The following MTUS2 variants were observed in gnomAD, a reference collection of about 807,000 sequenced individuals.
MTUS2 encodes the protein microtubule-associated tumor suppressor candidate 2.
Under a neutral mutation model 114.1 loss-of-function variants are expected in MTUS2, and 40 were observed. The ratio of observed to expected loss-of-function variants is 0.35; its 90% confidence interval spans 0.27 to 0.46. The LOEUF is 0.46. Among genes scored for constraint, MTUS2 ranks in the 20% least tolerant of loss-of-function variants. The probability of loss-of-function intolerance (pLI) is 1.00; values close to 1 mark genes in which losing one functional copy is unlikely to be tolerated. For synonymous variants in MTUS2, 688 were observed against 672.0 expected, an observed-to-expected ratio of 1.02 and a Z score of -0.37; for missense variants, 1,679 against 1,705.4, an observed-to-expected ratio of 0.98 and a Z score of 0.27.
At chr13:29,238,704 T>C (rs973599940) in intron 5 of MTUS2, among the ~76,000 whole-genome samples, 1 of 152,170 alleles carries the variant, frequency 6.6e-6, no homozygotes, top group Non-Finnish European at 1.5e-5. Context: ...GTCCACTGAT[T>C]CAAATGTTAA....
chr13:29,504,209 CAG>C lies in MTUS2; in HGVS notation c.*1006_*1007del. ...CCAAGGTCTGTATTTTGACCAGGCA[CAG>C]AGGGGGAACATCACTCCAGCTTTCC... On this transcript the variant is annotated 3_prime_UTR_variant, in exon 16 of 16. Coordinates refer to ENST00000612955, the MANE Select transcript of MTUS2 (RefSeq NM_001033602.4). The C allele has an allele frequency of 4.3e-6, 1 of 232,406 alleles. No individual in the cohort carries two copies. The highest frequency in any genetic ancestry group is 8.5e-6 in the Non-Finnish European group (1 of 117,342). 14.4% of individuals were successfully genotyped at this position (232,406 alleles called of 1,614,324 possible).
At chr13:29,495,621 G>C (rs775522299) in intron 12 of MTUS2, among the ~76,000 whole-genome samples, 1 of 152,000 alleles carries the variant, frequency 6.6e-6, no homozygotes, top group Non-Finnish European at 1.5e-5. Context: ...CTGTAATCCC[G>C]ACACTCTGGG....
intron 4 of MTUS2, among the ~76,000 whole-genome samples, chr13:29,094,032 C>T (rs1310611792): frequency 2.0e-5 from 3 of 151,884 alleles, no homozygotes; most frequent in East Asian, 3.9e-4. Flanking sequence ...TATGTAAAAC[C>T]GATCTTGCAT....
intron 5 of MTUS2, among the ~76,000 whole-genome samples, chr13:29,182,489 C>T (rs999863672): frequency 6.6e-6 from 1 of 152,224 alleles, no homozygotes; most frequent in African/African-American, 2.4e-5. Flanking sequence ...TCAATCATTT[C>T]CTCCTCTGCA....
At chr13:29,056,504 A>G (rs1888140370) in intron 4 of MTUS2, among the ~76,000 whole-genome samples, 1 of 151,832 alleles carries the variant, frequency 6.6e-6, no homozygotes, top group African/African-American at 2.4e-5. Context: ...TTTATTACTG[A>G]TTTGATTTCA....
intron 2 of MTUS2, among the ~76,000 whole-genome samples, chr13:28,889,519 C>G (rs946470201): frequency 4.9e-4 from 75 of 152,306 alleles, no homozygotes; most frequent in African/African-American, 1.7e-3. Context: ...GAAGTGTGCA[C>G]TGAGCATGGG....
In MTUS2 at chr13:29,004,415, G is replaced by A. The variant is rs17072513; in HGVS notation, c.-242-20042G>A. Among the ~76,000 whole-genome samples, 1,366 of 152,278 alleles carry A rather than the reference G, an allele frequency of 9.0e-3. 10 individuals carry two copies. The highest frequency in any genetic ancestry group is 0.015 in the Admixed American group (237 of 15,300). On this transcript the variant is annotated intron_variant, in intron 2 of 15. Transcript: ENST00000612955. ...TCAAAATAACTCCCAATGCGTAGTTGTAGTCATGAAATGCTTATTTATATA... is the reference window on the plus strand; with the variant it reads ...TCAAAATAACTCCCAATGCGTAGTTATAGTCATGAAATGCTTATTTATATA...
intron 4 of MTUS2, among the ~76,000 whole-genome samples, chr13:29,049,427 G>A (rs1333063448): frequency 2.6e-5 from 4 of 152,164 alleles, no homozygotes; most frequent in African/African-American, 7.2e-5. Flanking sequence ...GGAGCTGTCA[G>A]TCATATGCCA....
intron 7 of MTUS2, among the ~76,000 whole-genome samples, chr13:29,335,859 T>C (rs932652698): frequency 4.6e-5 from 7 of 152,224 alleles, no homozygotes; most frequent in African/African-American, 1.7e-4. Context: ...TGTAGTCCCA[T>C]ATTTCTTGGC....
At chr13:28,879,970 G>A (rs1462413019) in intron 2 of MTUS2, among the ~76,000 whole-genome samples, 2 of 152,110 alleles carry the variant, frequency 1.3e-5, no homozygotes, top group Admixed American at 1.3e-4. Flanking sequence ...GTGAGGTTGA[G>A]GCAAAGAAAT....
At chr13:29,406,984 G>A (rs1037114616) in intron 8 of MTUS2, among the ~76,000 whole-genome samples, 1 of 152,184 alleles carries the variant, frequency 6.6e-6, no homozygotes, top group Non-Finnish European at 1.5e-5. Context: ...AGTGGCTCAC[G>A]CCTGTAATCC....
At chr13:28,901,274 A>G (rs185567702) in intron 2 of MTUS2, among the ~76,000 whole-genome samples, 1 of 152,142 alleles carries the variant, frequency 6.6e-6, no homozygotes, top group Non-Finnish European at 1.5e-5. Context: ...TTCATTTTCA[A>G]ATATGTGGTT....
At chr13:29,287,424 C>T (rs1427771493) in intron 6 of MTUS2, among the ~76,000 whole-genome samples, 4 of 152,278 alleles carry the variant, frequency 2.6e-5, no homozygotes, top group Non-Finnish European at 4.4e-5. Context: ...GCACACCCCA[C>T]ACTATTTGCG....
In MTUS2 at chr13:29,256,060, A is replaced by G. The variant is rs552592324; in HGVS notation, c.2645-25644A>G. ...TTTGACAGGCATCCGTACTCTGGTC[A>G]ATGTTAGTTCCTGTTTGTCCCAGGC... On this transcript the variant is annotated intron_variant, in intron 5 of 15. Transcript: ENST00000612955. Among the ~76,000 whole-genome samples the G allele has an allele frequency of 2.6e-5, 4 of 152,352 alleles. No homozygotes were observed. The South Asian group carries it at 8.3e-4, about 32-fold the overall frequency.
At chr13:29,449,120 T>C (rs4435096) in intron 9 of MTUS2, among the ~76,000 whole-genome samples, 53,820 of 152,022 alleles carry the variant, frequency 0.35, 10,786 homozygotes, top group Admixed American at 0.48. Flanking sequence ...AATCCATGTT[T>C]TGATTAAGGT....
chr13:28,978,711 A>C (rs1422281257), intron 2 of MTUS2, among the ~76,000 whole-genome samples: 5 of 152,194 alleles, frequency 3.3e-5, no homozygotes, highest in African/African-American at 9.7e-5. Flanking sequence ...ATTCCTCATG[A>C]TAACATCCTT....
intron 5 of MTUS2, among the ~76,000 whole-genome samples, chr13:29,213,923 A>G (rs1372782243): frequency 1.3e-5 from 2 of 149,966 alleles, no homozygotes; most frequent in African/African-American, 4.9e-5. Context: ...TTGGCACTGA[A>G]TAGTTTATGA....
intron 5 of MTUS2, among the ~76,000 whole-genome samples, chr13:29,250,825 C>T (rs569328720): frequency 1.6e-4 from 24 of 152,038 alleles, no homozygotes; most frequent in Admixed American, 5.2e-4. Flanking sequence ...TTTTATTACC[C>T]GTAAATTTCA....
chr13:29,323,853 C>T (rs1476391318), intron 6 of MTUS2, among the ~76,000 whole-genome samples: 4 of 152,154 alleles, frequency 2.6e-5, no homozygotes, highest in Admixed American at 6.5e-5. Context: ...AATGACCTAA[C>T]AGTGTGCTGA....
Sources: gnomAD v4.1 joint callset for allele counts (sites outside exome capture counted in the v4.1 genomes callset) on GRCh38, gnomAD v4.1.1 for gene constraint, MANE v1.5 for transcripts, NCBI Gene and HGNC (gene_info 2026-07-23, HGNC 2026-07-21) for gene names.